ZFY: variants seen among roughly 807,000 people sequenced by gnomAD.
The protein encoded by ZFY is zinc finger protein Y-linked, also known as zinc finger Y-chromosomal protein.
For synonymous variants in ZFY, 47 were observed against 55.8 expected, an observed-to-expected ratio of 0.84 and a Z score of 0.71; for missense variants, 113 against 170.9, an observed-to-expected ratio of 0.66 and a Z score of 1.89.
At chrY:2,963,698 A>G in intron 3 of ZFY, among the ~76,000 whole-genome samples, 2 of 33,245 alleles carry the variant, frequency 6.0e-5, no homozygotes, top group African/African-American at 1.2e-4. Flanking sequence ...CCTCATATCT[A>G]AAGCAGAAAG....
At position 2,979,662 on chromosome Y, in the gene ZFY, A is replaced by G. The variant is rs752105109; in HGVS notation, c.2075A>G (p.Asp692Gly). The G allele has an allele frequency of 2.5e-6, 1 of 399,368 alleles. No individual in the cohort carries two copies. The highest frequency in any genetic ancestry group is 3.0e-5 in the South Asian group (1 of 33,822). The change falls in exon 8 of 8, where the codon GAC (aspartate) becomes GGC (glycine). Residue 692 changes from aspartate to glycine, a missense_variant. Coordinates refer to ENST00000155093, the MANE Select transcript of ZFY (RefSeq NM_003411.4). The part of the protein sequence containing the change: ...GKKMHQCRHC[D>G]FKIADPFVLS... Reference sequence around the variant, plus strand: ...AAAATGCACCAATGTAGACATTGTGACTTTAAGATTGCAGACCCATTTGTT... The same window carrying G: ...AAAATGCACCAATGTAGACATTGTGGCTTTAAGATTGCAGACCCATTTGTT...
chrY:2,962,790 T>G, intron 3 of ZFY, among the ~76,000 whole-genome samples: 1 of 33,749 alleles, frequency 3.0e-5, no homozygotes, highest in African/African-American at 1.2e-4. Context: ...TTTAAATATT[T>G]AAGATTAATA....
At chrY:2,940,255 A>C (rs2051237761) in intron 1 of ZFY, among the ~76,000 whole-genome samples, 2 of 33,474 alleles carry the variant, frequency 6.0e-5, no homozygotes, top group African/African-American at 1.2e-4. Context: ...TTTTAAACGT[A>C]GTATTTTCAT....
At chrY:2,946,518 G>C in intron 1 of ZFY, among the ~76,000 whole-genome samples, 1 of 32,340 alleles carries the variant, frequency 3.1e-5, no homozygotes, top group Non-Finnish European at 7.5e-5. Flanking sequence ...CCAGTTACTT[G>C]ATTTCAGGCA....
At chrY:2,948,062 A>G in intron 1 of ZFY, among the ~76,000 whole-genome samples, 1 of 33,786 alleles carries the variant, frequency 3.0e-5, no homozygotes, top group Non-Finnish European at 7.4e-5. Context: ...AAATGAAGAT[A>G]TTGTGAAACA....
rs2051397137 is a variant in ZFY at position 2,980,547 on chromosome Y, T to C, written c.*554T>C. ...TGACCACGTTTATGTTTAAATTTCA[T>C]TTTGTTCAGCAGACAAAATGTACTT... On this transcript the variant is annotated 3_prime_UTR_variant, in exon 8 of 8. Transcript: ENST00000155093. 2.8e-5 allele frequency: 1 copy of C among 35,328 alleles called. No homozygotes were observed. The highest frequency in any genetic ancestry group is 7.0e-5 in the Non-Finnish European group (1 of 14,247). 8.8% of individuals were successfully genotyped at this position (35,328 alleles called of 400,897 possible).
chrY:2,957,074 A>G (rs1038318806), intron 2 of ZFY, among the ~76,000 whole-genome samples: 3 of 33,174 alleles, frequency 9.0e-5, no homozygotes, highest in Non-Finnish European at 2.2e-4. Flanking sequence ...ACTAGCAGTC[A>G]TACATGACGT....
At position 2,979,648 on chromosome Y, in the gene ZFY, A is replaced by T; in HGVS notation, c.2061A>T (p.Gln687His). The change falls in exon 8 of 8, where the codon CAA becomes CAT. Residue 687 changes from glutamine (Q) to histidine (H), a missense_variant. By Grantham distance (24) the Gln-to-His change is conservative. Coordinates refer to ENST00000155093, the MANE Select transcript of ZFY (RefSeq NM_003411.4). ...TCCACAAAGGTAAAAAAATGCACCAATGTAGACATTGTGACTTTAAGATTG... is the reference window on the plus strand; with the variant it reads ...TCCACAAAGGTAAAAAAATGCACCATTGTAGACATTGTGACTTTAAGATTG... ...VAVHKGKKMHQCRHCDFKIAD... is the reference protein window; with the variant it reads ...VAVHKGKKMHHCRHCDFKIAD... 1 of 399,392 alleles carries T rather than the reference A, an allele frequency of 2.5e-6. No homozygotes were observed. Among genetic ancestry groups the T allele is most frequent in the Non-Finnish European group, 3.5e-6 (1 of 283,763 alleles).
intron 3 of ZFY, chrY:2,967,053 G>A: frequency 3.0e-5 from 1 of 33,143 alleles, no homozygotes; most frequent in African/African-American, 1.2e-4. Context: ...TTGTACAAAT[G>A]TTCATAGCAT....
At chrY:2,977,572 GT>G (rs2051379729) in intron 6 of ZFY, among the ~76,000 whole-genome samples, 1 of 32,096 alleles carries the variant, frequency 3.1e-5, no homozygotes, top group South Asian at 6.9e-4. Flanking sequence ...GAGGTCAGGA[GT>G]TCAAGATCAG....
chrY:2,973,746 A>G, intron 3 of ZFY, among the ~76,000 whole-genome samples: 1 of 33,608 alleles, frequency 3.0e-5, no homozygotes, highest in Admixed American at 2.7e-4. Context: ...AGTGGTGTGT[A>G]GTGTAAGGTT....
intron 3 of ZFY, among the ~76,000 whole-genome samples, chrY:2,974,165 C>CTATTTATT (rs1314111955): frequency 3.6e-5 from 1 of 27,923 alleles, no homozygotes; most frequent in Non-Finnish European, 8.4e-5. Flanking sequence ...GAATTTACAA[C>CTATTTATT]TATTTATTTA....
At chrY:2,968,700 A>G in intron 3 of ZFY, among the ~76,000 whole-genome samples, 1 of 33,224 alleles carries the variant, frequency 3.0e-5, no homozygotes, top group East Asian at 7.7e-4. Context: ...TTCTTAGAGT[A>G]TTTTAAAATC....
intron 3 of ZFY, among the ~76,000 whole-genome samples, chrY:2,964,857 C>A (rs2051321274): frequency 3.1e-5 from 1 of 32,337 alleles, no homozygotes. Context: ...CATAGTGAGA[C>A]CCTATCTCTA....
chrY:2,962,859 G>A, intron 3 of ZFY, among the ~76,000 whole-genome samples: 7 of 33,203 alleles, frequency 2.1e-4, no homozygotes, highest in African/African-American at 8.2e-4. Flanking sequence ...GGGGGAGTAA[G>A]GTGGTGTTTA....
rs2051400537 is a variant in ZFY at position 2,981,843 on chromosome Y, T to C, written c.*1850T>C. Reference sequence around the variant, plus strand: ...GCCTTTATACATGTCCCTACCTGATTTTTACTGTCCTTCATGATCCTGTTC... The same window carrying C: ...GCCTTTATACATGTCCCTACCTGATCTTTACTGTCCTTCATGATCCTGTTC... On this transcript the variant is annotated 3_prime_UTR_variant, in exon 8 of 8. Coordinates refer to ENST00000155093, the MANE Select transcript of ZFY (RefSeq NM_003411.4). The C allele has an allele frequency of 6.0e-5, 2 of 33,396 alleles. No individual in the cohort carries two copies. Among genetic ancestry groups the C allele is most frequent in the African/African-American group, 2.3e-4 (2 of 8,638 alleles). 8.3% of individuals were successfully genotyped at this position (33,396 alleles called of 400,897 possible).
intron 3 of ZFY, among the ~76,000 whole-genome samples, chrY:2,962,751 C>G (rs2124508229): frequency 3.0e-5 from 1 of 33,174 alleles, no homozygotes; most frequent in East Asian, 7.6e-4. Context: ...ACATTTATTT[C>G]TGTGTGTAAA....
intron 1 of ZFY, among the ~76,000 whole-genome samples, chrY:2,938,983 T>C (rs1603310580): frequency 1.9e-4 from 1 of 5,223 alleles, no homozygotes; most frequent in African/African-American, 9.6e-4. Flanking sequence ...CATACAGTGC[T>C]TATATATATA....
At chrY:2,969,129 G>A in intron 3 of ZFY, among the ~76,000 whole-genome samples, 1 of 33,919 alleles carries the variant, frequency 2.9e-5, no homozygotes, top group Non-Finnish European at 7.3e-5. Flanking sequence ...AATTGGTCAT[G>A]TATGTCTTTG....
Sources: allele counts gnomAD v4.1 joint callset (sites outside exome capture counted in the v4.1 genomes callset), GRCh38; gene constraint gnomAD v4.1.1; transcripts MANE v1.5; gene names NCBI Gene and HGNC (gene_info 2026-07-23, HGNC 2026-07-21).